KIAA1217: variants seen among roughly 807,000 people sequenced by gnomAD.
KIAA1217 encodes the protein sickle tail protein homolog.
A neutral mutation model predicts 163.9 loss-of-function variants in KIAA1217; 88 were observed. The observed-to-expected ratio is 0.54, with a 90% confidence interval of 0.45 to 0.64. The LOEUF (loss-of-function observed/expected upper bound fraction) is 0.64. KIAA1217 is among the 30% of genes least tolerant of loss of function. The probability of loss-of-function intolerance (pLI) is 0.00; values close to 1 mark genes in which losing one functional copy is unlikely to be tolerated. For synonymous variants in KIAA1217, 903 were observed against 923.1 expected, an observed-to-expected ratio of 0.98 and a Z score of 0.39; for missense variants, 2,372 against 2,475.0, an observed-to-expected ratio of 0.96 and a Z score of 0.88.
At position 24,216,184 on chromosome 10, in the gene KIAA1217, C is replaced by T. The variant is rs114238625; in HGVS notation, c.71-3442C>T. On this transcript the variant is annotated intron_variant, in intron 1 of 20. Coordinates refer to ENST00000376454, the MANE Select transcript of KIAA1217 (RefSeq NM_019590.5). ...TGGACTGAAGATTGGCTCTGACCCC[C>T]AAAACTCTCCCCTTCCATCTCCCTT... Among the ~76,000 whole-genome samples, 568 of 152,238 alleles carry T rather than the reference C, an allele frequency of 3.7e-3. 5 individuals carry two copies. The highest frequency in any genetic ancestry group is 0.013 in the African/African-American group (535 of 41,550).
At chr10:23,894,612 A>T (rs1202080846) in intron 1 of KIAA1217, among the ~76,000 whole-genome samples, 1 of 150,452 alleles carries the variant, frequency 6.6e-6, no homozygotes, top group Admixed American at 6.7e-5. Context: ...GCTACCAATG[A>T]CTTTCTTCAC....
chr10:24,144,004 A>G (rs954161765), intron 2 of KIAA1217, among the ~76,000 whole-genome samples: 2 of 152,176 alleles, frequency 1.3e-5, no homozygotes, highest in Non-Finnish European at 2.9e-5. Context: ...GTAAAAATGA[A>G]TGTGCATGTT....
At chr10:24,105,626 C>T (rs2131729327) in intron 2 of KIAA1217, among the ~76,000 whole-genome samples, 1 of 152,310 alleles carries the variant, frequency 6.6e-6, no homozygotes, top group South Asian at 2.1e-4. Flanking sequence ...TCTGCTGTCT[C>T]CCTTGGAGCT....
rs2067602050 is a variant in KIAA1217 at position 24,501,646 on chromosome 10, AG to A, written c.2001+102del. 7.5e-6 allele frequency: 8 copies of A among 1,065,184 alleles called. No homozygotes were observed. In the Admixed American group the frequency reaches 1.5e-4, roughly 21 times the overall value. 66.0% of individuals were successfully genotyped at this position (1,065,184 alleles called of 1,614,324 possible). On this transcript the variant is annotated intron_variant, in intron 9 of 20. Coordinates refer to ENST00000376454, the MANE Select transcript of KIAA1217 (RefSeq NM_019590.5). The stretch of plus-strand genomic sequence containing the variant: ...GAAGACCTAGAGAATGTAGAACCAT[AG>A]AAACAGCATGGCTTCCTCTCTCACA...
intron 1 of KIAA1217, among the ~76,000 whole-genome samples, chr10:23,931,680 C>G (rs1026334661): frequency 2.0e-5 from 3 of 152,182 alleles, no homozygotes; most frequent in African/African-American, 4.8e-5. Flanking sequence ...CTATCACAAA[C>G]GAGCCCCACT....
chr10:24,175,665 G>T (rs551606527), intron 2 of KIAA1217, among the ~76,000 whole-genome samples: 1 of 152,266 alleles, frequency 6.6e-6, no homozygotes, highest in South Asian at 2.1e-4. Context: ...TAAAGATGGT[G>T]TGTCCAGAGT....
At chr10:23,923,269 C>A (rs1455305688) in intron 1 of KIAA1217, among the ~76,000 whole-genome samples, 1 of 152,124 alleles carries the variant, frequency 6.6e-6, no homozygotes, top group Admixed American at 6.6e-5. Context: ...AGGCTCGTTC[C>A]ATATTTTTGC....
intron 1 of KIAA1217, among the ~76,000 whole-genome samples, chr10:23,986,840 C>A (rs902970482): frequency 6.6e-6 from 1 of 152,156 alleles, no homozygotes; most frequent in Admixed American, 6.5e-5. Context: ...TTAATTCATT[C>A]AACAAATATC....
chr10:23,940,924 A>G (rs531113004), intron 1 of KIAA1217, among the ~76,000 whole-genome samples: 1 of 152,292 alleles, frequency 6.6e-6, no homozygotes, highest in East Asian at 1.9e-4. Flanking sequence ...TCAATTTCTT[A>G]TTTCTATTTC....
chr10:23,832,094 A>G (rs1838231753), intron 1 of KIAA1217, among the ~76,000 whole-genome samples: 1 of 151,970 alleles, frequency 6.6e-6, no homozygotes, highest in South Asian at 2.1e-4. Context: ...TCAGGTTGAG[A>G]GCCCAGTCCC....
chr10:24,181,783 G>A (rs2131951582), intron 2 of KIAA1217, among the ~76,000 whole-genome samples: 1 of 152,178 alleles, frequency 6.6e-6, no homozygotes, highest in Admixed American at 6.5e-5. Flanking sequence ...TTTTGGGTGA[G>A]AGAAAGGGAA....
chr10:23,716,857 C>T (rs1173302906), intron 1 of KIAA1217, among the ~76,000 whole-genome samples: 1 of 152,142 alleles, frequency 6.6e-6, no homozygotes, highest in Non-Finnish European at 1.5e-5. Context: ...CAATTTACTA[C>T]ATCACGTTTT....
chr10:23,941,436 C>T (rs543791639), intron 1 of KIAA1217, among the ~76,000 whole-genome samples: 1 of 152,246 alleles, frequency 6.6e-6, no homozygotes, highest in South Asian at 2.1e-4. Context: ...GGAGGTTTGA[C>T]CCTGGATAAT....
chr10:24,059,687 C>T (rs1365625166), intron 2 of KIAA1217, among the ~76,000 whole-genome samples: 1 of 152,108 alleles, frequency 6.6e-6, no homozygotes. Flanking sequence ...ACGCCATTGT[C>T]TTGCCTCAGC....
chr10:24,367,429 G>A (rs528903437), intron 2 of KIAA1217, among the ~76,000 whole-genome samples: 2 of 152,320 alleles, frequency 1.3e-5, no homozygotes, highest in South Asian at 4.1e-4. Flanking sequence ...CTAATTGCAT[G>A]CTTGCTTCGA....
At chr10:23,722,884 G>A (rs1262987765) in intron 1 of KIAA1217, among the ~76,000 whole-genome samples, 2 of 152,140 alleles carry the variant, frequency 1.3e-5, no homozygotes, top group African/African-American at 2.4e-5. Context: ...TAAGGAGTAG[G>A]CTTCAGGTCT....
At chr10:24,518,389 G>T (rs1592601650) in intron 10 of KIAA1217, among the ~76,000 whole-genome samples, 2 of 152,138 alleles carry the variant, frequency 1.3e-5, no homozygotes, top group East Asian at 3.8e-4. Flanking sequence ...ATACATTTCT[G>T]TATATTCCAT....
intron 2 of KIAA1217, among the ~76,000 whole-genome samples, chr10:24,228,844 T>A (rs1194470568): frequency 6.6e-6 from 1 of 152,246 alleles, no homozygotes; most frequent in Non-Finnish European, 1.5e-5. Context: ...ATCTGTACAA[T>A]GACGTCATTG....
At chr10:23,799,261 G>T (rs571587493) in intron 1 of KIAA1217, among the ~76,000 whole-genome samples, 1 of 152,066 alleles carries the variant, frequency 6.6e-6, no homozygotes, top group Non-Finnish European at 1.5e-5. Flanking sequence ...AGGTCCTGGG[G>T]GTTAGGATTT....
Sources: gnomAD v4.1 joint callset for allele counts (sites outside exome capture counted in the v4.1 genomes callset) on GRCh38, gnomAD v4.1.1 for gene constraint, MANE v1.5 for transcripts, NCBI Gene and HGNC (gene_info 2026-07-23, HGNC 2026-07-21) for gene names.